Variants in ERBB4 observed in about 807,000 individuals in gnomAD.
The protein encoded by ERBB4 is erb-b2 receptor tyrosine kinase 4.
ERBB4 carries 42 observed loss-of-function variants against 158.0 expected under a neutral mutation model. That is an observed-to-expected ratio of 0.27 (90% CI 0.21 to 0.34). The LOEUF (loss-of-function observed/expected upper bound fraction) is 0.34. Ranked by LOEUF, ERBB4 falls within the 10% of genes least tolerant of loss-of-function variation. The pLI, the probability that ERBB4 is intolerant of heterozygous loss-of-function variation, is 1.00. For synonymous variants in ERBB4, 583 were observed against 558.7 expected (o/e 1.04, Z -0.61); for missense variants, 1,333 against 1,624.1 (o/e 0.82, Z 3.08).
intron 1 of ERBB4, among the ~76,000 whole-genome samples, chr2:212,251,519 G>A (rs1468083940): frequency 6.6e-6 from 1 of 151,882 alleles, no homozygotes; most frequent in African/African-American, 2.4e-5. Context: ...AAGCAAAAAT[G>A]AGGATCAGTA....
intron 1 of ERBB4, among the ~76,000 whole-genome samples, chr2:212,198,529 G>A (rs1315480689): frequency 1.3e-5 from 2 of 152,052 alleles, no homozygotes; most frequent in South Asian, 2.1e-4. Flanking sequence ...TGTAGTATGT[G>A]TTAGAATTCA....
intron 1 of ERBB4, among the ~76,000 whole-genome samples, chr2:212,205,405 T>G (rs1224526251): frequency 1.3e-5 from 2 of 152,314 alleles, no homozygotes; most frequent in Middle Eastern, 3.4e-3. Context: ...TACTTTTGTT[T>G]CTAGACAAAG....
chr2:211,526,209 C>T (rs2066345600), intron 20 of ERBB4, among the ~76,000 whole-genome samples: 1 of 152,080 alleles, frequency 6.6e-6, no homozygotes, highest in African/African-American at 2.4e-5. Context: ...TACAGGGGTG[C>T]TTGTGTCACT....
At chr2:211,861,867 G>T (rs1051800543) in intron 3 of ERBB4, among the ~76,000 whole-genome samples, 3 of 145,874 alleles carry the variant, frequency 2.1e-5, no homozygotes, top group Non-Finnish European at 3.1e-5. Flanking sequence ...GACCAATGGG[G>T]TTATAAAATG....
intron 1 of ERBB4, among the ~76,000 whole-genome samples, chr2:212,135,857 C>A (rs986511255): frequency 6.6e-6 from 1 of 152,140 alleles, no homozygotes; most frequent in Non-Finnish European, 1.5e-5. Flanking sequence ...TCAAGGCTTG[C>A]CAAATTAGTC....
chr2:211,494,476 C>CAG (rs1255419610), intron 20 of ERBB4, among the ~76,000 whole-genome samples: 4 of 152,040 alleles, frequency 2.6e-5, no homozygotes, highest in Non-Finnish European at 4.4e-5. Context: ...ATACAAAATG[C>CAG]AGCATTATTA....
At chr2:212,366,256 G>C (rs1053493309) in intron 1 of ERBB4, among the ~76,000 whole-genome samples, 3 of 151,870 alleles carry the variant, frequency 2.0e-5, no homozygotes, top group African/African-American at 7.3e-5. Context: ...ATATTAAAAA[G>C]CTTGGCAGTT....
chr2:211,394,454 T>C (rs1380467199), intron 25 of ERBB4, among the ~76,000 whole-genome samples: 4 of 152,164 alleles, frequency 2.6e-5, no homozygotes, highest in Admixed American at 1.3e-4. Context: ...TTGAACCTTT[T>C]CCTCATGATC....
chr2:211,552,217 GA>G (rs1028174105), intron 20 of ERBB4, among the ~76,000 whole-genome samples: 51 of 144,640 alleles, frequency 3.5e-4, no homozygotes, highest in East Asian at 8.0e-4. Context: ...AGTTGGAAAT[GA>G]AAAAAAAAAA....
chr2:212,073,482 G>A (rs528375253), intron 2 of ERBB4, among the ~76,000 whole-genome samples: 1 of 152,020 alleles, frequency 6.6e-6, no homozygotes, highest in South Asian at 2.1e-4. Context: ...ACACACCATT[G>A]TGGCCAGAAC....
At chr2:212,104,788 G>A (rs7591736) in intron 2 of ERBB4, among the ~76,000 whole-genome samples, 11 of 151,992 alleles carry the variant, frequency 7.2e-5, no homozygotes, top group African/African-American at 2.4e-4. Flanking sequence ...GTCGATTTGC[G>A]CTTTGCTAGA....
At chr2:211,888,887 C>T (rs574864768) in intron 3 of ERBB4, among the ~76,000 whole-genome samples, 1 of 151,696 alleles carries the variant, frequency 6.6e-6, no homozygotes, top group Admixed American at 6.6e-5. Flanking sequence ...ACACCTGGCT[C>T]GGAGGGTCCT....
chr2:212,173,830 A>G (rs2081587060), intron 1 of ERBB4, among the ~76,000 whole-genome samples: 1 of 152,128 alleles, frequency 6.6e-6, no homozygotes, highest in African/African-American at 2.4e-5. Context: ...AATCTCTTGC[A>G]TACAGCCAAA....
intron 1 of ERBB4, among the ~76,000 whole-genome samples, chr2:212,323,227 G>A (rs1294819239): frequency 6.6e-6 from 1 of 150,424 alleles, no homozygotes; most frequent in African/African-American, 2.4e-5. Flanking sequence ...TGAGATTCAT[G>A]TACCACGTTT....
intron 3 of ERBB4, among the ~76,000 whole-genome samples, chr2:211,913,548 C>T (rs2079593186): frequency 1.3e-5 from 2 of 150,996 alleles, no homozygotes; most frequent in Non-Finnish European, 2.9e-5. Context: ...TTGCAGTGAG[C>T]CAAGACCATG....
At chr2:212,322,512 T>C (rs1235651719) in intron 1 of ERBB4, among the ~76,000 whole-genome samples, 2 of 150,800 alleles carry the variant, frequency 1.3e-5, no homozygotes, top group African/African-American at 4.8e-5. Context: ...ATTTAAAAGA[T>C]ATTTGAATGC....
intron 3 of ERBB4, among the ~76,000 whole-genome samples, chr2:211,908,543 C>T (rs936757396): frequency 3.3e-5 from 5 of 151,698 alleles, no homozygotes; most frequent in Non-Finnish European, 5.9e-5. Context: ...TATTATATAT[C>T]GGTGAGTGTA....
intron 20 of ERBB4, among the ~76,000 whole-genome samples, chr2:211,515,701 A>G (rs1390986700): frequency 1.3e-5 from 2 of 150,698 alleles, no homozygotes; most frequent in East Asian, 4.0e-4. Flanking sequence ...TGGCAGGGCA[A>G]AGAACAATCA....
At chr2:212,332,487 C>G (rs1430980357) in intron 1 of ERBB4, among the ~76,000 whole-genome samples, 1 of 152,050 alleles carries the variant, frequency 6.6e-6, no homozygotes, top group South Asian at 2.1e-4. Context: ...AGTAATCATG[C>G]CACTACTCTG....
Sources: allele counts gnomAD v4.1 joint callset (sites outside exome capture counted in the v4.1 genomes callset), GRCh38; gene constraint gnomAD v4.1.1; transcripts MANE v1.5; gene names NCBI Gene and HGNC (gene_info 2026-07-23, HGNC 2026-07-21).